COL15A1: variants seen among roughly 807,000 people sequenced by gnomAD.
The protein encoded by COL15A1 is collagen alpha-1(XV) chain.
A neutral mutation model predicts 165.9 loss-of-function variants in COL15A1; 111 were observed. That is an observed-to-expected ratio of 0.67 (90% confidence interval 0.57 to 0.78). The LOEUF (loss-of-function observed/expected upper bound fraction) is 0.78. Ranked by LOEUF, COL15A1 falls within the 30% of genes least tolerant of loss-of-function variation. COL15A1 has a pLI of 0.00. For synonymous variants in COL15A1, 659 were observed against 674.8 expected, an observed-to-expected ratio of 0.98 and a Z score of 0.36; for missense variants, 1,745 against 1,789.7, an observed-to-expected ratio of 0.98 and a Z score of 0.45.
chr9:99,068,357 C>T (rs1216637368), intron 40 of COL15A1, among the ~76,000 whole-genome samples, 198 bp from the exon 41 acceptor site: 3 of 149,852 alleles, frequency 2.0e-5, no homozygotes, highest in Admixed American at 6.7e-5. Context: ...CCCAGCTACT[C>T]GGGAGGCTGA....
chr9:99,029,808 C>G (rs1564068951), intron 16 of COL15A1, among the ~76,000 whole-genome samples: 1 of 152,044 alleles, frequency 6.6e-6, no homozygotes, highest in Admixed American at 6.5e-5. Context: ...ACCTGTAATC[C>G]CAGCTACTCG....
chr9:99,016,039 G>T lies in COL15A1; in HGVS notation c.1567G>T (p.Gly523Cys), dbSNP rs751580096. Residue 523 changes from glycine (G) to cysteine (C), a missense_variant, in exon 11 of 42, where the codon GGT (glycine) becomes TGT (cysteine). Gly to Cys is a radical substitution (Grantham distance 159). Transcript: ENST00000375001. ...TTEEPLITAGGEESGSPPPDG... is the reference protein window; with the variant it reads ...TTEEPLITAGCEESGSPPPDG... Reference sequence around the variant, plus strand: ...AGAGGAGCCCCTCATCACAGCTGGGGGTGAAGAGTCCGGCAGCCCTCCCCC... The same window carrying T: ...AGAGGAGCCCCTCATCACAGCTGGGTGTGAAGAGTCCGGCAGCCCTCCCCC... 3.7e-6 allele frequency: 6 copies of T among 1,614,072 alleles called. No individual in the cohort carries two copies. In the East Asian group the frequency reaches 1.3e-4, roughly 36 times the overall value.
chr9:98,991,978 T>C, intron 5 of COL15A1, among the ~76,000 whole-genome samples: 1 of 152,346 alleles, frequency 6.6e-6, no homozygotes, highest in Admixed American at 6.5e-5. Flanking sequence ...AGGGTGCTGA[T>C]TGGTGTGTTT....
chr9:99,054,953 A>C, intron 32 of COL15A1, 149 bp from the exon 33 acceptor site: 1 of 763,324 alleles, frequency 1.3e-6, no homozygotes, highest in Non-Finnish European at 2.3e-6. Flanking sequence ...AGTAGCTAGC[A>C]CCTGTTTCTG....
intron 2 of COL15A1, among the ~76,000 whole-genome samples, chr9:98,950,153 G>T (rs993657929): frequency 9.9e-5 from 15 of 152,076 alleles, no homozygotes; most frequent in Admixed American, 2.6e-4. Context: ...CTGAACATTT[G>T]CATACAAGTA....
chr9:99,032,706 G>A (rs1564070849), intron 16 of COL15A1, among the ~76,000 whole-genome samples: 1 of 152,068 alleles, frequency 6.6e-6, no homozygotes, highest in African/African-American at 2.4e-5. Context: ...TTACTACTTT[G>A]TCATTCTGTC....
At chr9:98,984,148 T>A (rs908732615) in intron 2 of COL15A1, among the ~76,000 whole-genome samples, 4 of 152,238 alleles carry the variant, frequency 2.6e-5, no homozygotes, top group Non-Finnish European at 5.9e-5. Flanking sequence ...CTCATCTGGT[T>A]GAATCCTCAG....
chr9:99,025,827 C>A, intron 15 of COL15A1, 77 bp from the exon 16 acceptor site: 1 of 1,495,152 alleles, frequency 6.7e-7, no homozygotes, highest in Non-Finnish European at 9.2e-7. Flanking sequence ...CCCAACCCTG[C>A]CCTCCTTTTC....
At chr9:99,030,074 C>G (rs1839193348) in intron 16 of COL15A1, among the ~76,000 whole-genome samples, 1 of 152,182 alleles carries the variant, frequency 6.6e-6, no homozygotes, top group Admixed American at 6.5e-5. Flanking sequence ...CAAAAAGAAT[C>G]CTCATCTCCA....
chr9:99,049,907 T>A lies in COL15A1; in HGVS notation c.2904+12T>A. The A allele has an allele frequency of 2.5e-6, 4 of 1,614,222 alleles. No homozygotes were observed. The highest frequency in any genetic ancestry group is 3.4e-6 in the Non-Finnish European group (4 of 1,180,028). On this transcript the variant is annotated intron_variant, in intron 30 of 41. Coordinates refer to ENST00000375001, the MANE Select transcript of COL15A1 (RefSeq NM_001855.5). The stretch of plus-strand genomic sequence containing the variant: ...ACTGCAAAATGCCAGTAAGTAGCAA[T>A]CACTGCCTTAAAGAGCAGGCTTTGG...
intron 4 of COL15A1, among the ~76,000 whole-genome samples, 173 bp from the exon 5 acceptor site, chr9:98,989,005 C>A (rs1838367301): frequency 6.7e-6 from 1 of 149,194 alleles, no homozygotes; most frequent in African/African-American, 2.5e-5. Context: ...TCTCCTTAAC[C>A]CCACTCCGTC....
At chr9:99,031,040 C>T (rs1163075974) in intron 16 of COL15A1, among the ~76,000 whole-genome samples, 2 of 152,202 alleles carry the variant, frequency 1.3e-5, no homozygotes, top group Non-Finnish European at 2.9e-5. Context: ...AGCCTAGTCG[C>T]TGTCACTTCT....
chr9:99,069,751 C>T lies in COL15A1; in HGVS notation c.4032C>T (p.Thr1344=), dbSNP rs1420159695. The T allele has an allele frequency of 3.1e-6, 5 of 1,614,226 alleles. No homozygotes were observed. The highest frequency in any genetic ancestry group is 2.2e-5 in the South Asian group (2 of 91,088). The change falls in exon 42 of 42, where the codon ACC becomes ACT. Residue 1344 remains threonine (T), a synonymous_variant. Coordinates refer to ENST00000375001, the MANE Select transcript of COL15A1 (RefSeq NM_001855.5). ...LVDNYCEAWR[T]ADTAVTGLAS... is the part of the protein sequence containing the mutation. Reference sequence around the variant, plus strand: ...ATAACTACTGTGAAGCATGGCGAACCGCGGACACAGCGGTCACGGGACTTG... The same window carrying T: ...ATAACTACTGTGAAGCATGGCGAACTGCGGACACAGCGGTCACGGGACTTG...
intron 21 of COL15A1, among the ~76,000 whole-genome samples, chr9:99,037,344 C>T (rs896450627): frequency 6.6e-6 from 1 of 152,144 alleles, no homozygotes; most frequent in Non-Finnish European, 1.5e-5. Context: ...ATTGAATTCT[C>T]TATTCCTATG....
chr9:98,965,832 G>T (rs187120480), intron 2 of COL15A1, among the ~76,000 whole-genome samples: 1 of 152,090 alleles, frequency 6.6e-6, no homozygotes, highest in Non-Finnish European at 1.5e-5. Context: ...CTGTATCTGG[G>T]CCCCGTGTTG....
At chr9:99,050,838 C>T (rs1203572821) in intron 30 of COL15A1, among the ~76,000 whole-genome samples, 4 of 152,148 alleles carry the variant, frequency 2.6e-5, no homozygotes, top group Admixed American at 6.5e-5. Context: ...TCATAGCCTT[C>T]AAAATGACGC....
rs980544271 is a variant in COL15A1, at chr9:98,987,322, C to A, written c.677C>A (p.Pro226His). 6.2e-6 allele frequency: 10 copies of A among 1,613,474 alleles called. No homozygotes were observed. In the African/African-American group the frequency reaches 1.3e-4, roughly 22 times the overall value. Residue 226 changes from proline to histidine, a missense_variant, in exon 4 of 42, where the codon CCC (proline) becomes CAC (histidine). Physicochemically the swap from Pro to His is moderately conservative, Grantham distance 77. Coordinates refer to ENST00000375001, the MANE Select transcript of COL15A1 (RefSeq NM_001855.5). Reference sequence around the variant, plus strand: ...TCCCTCCAGCAGCTCACCGTGCACCCCGACCCCAGGACTCCCGAGGAGCTG... The same window carrying A: ...TCCCTCCAGCAGCTCACCGTGCACCACGACCCCAGGACTCCCGAGGAGCTG... The part of the protein sequence containing the change: ...TGSLQQLTVH[P>H]DPRTPEELCD...
At chr9:99,008,515 A>G (rs1252154839) in intron 9 of COL15A1, among the ~76,000 whole-genome samples, 1 of 152,192 alleles carries the variant, frequency 6.6e-6, no homozygotes, top group Non-Finnish European at 1.5e-5. Flanking sequence ...TACACAAATA[A>G]CTATATTGTA....
intron 1 of COL15A1, 22 bp from the exon 2 acceptor site, chr9:98,944,140 C>T: frequency 6.2e-7 from 1 of 1,614,148 alleles, no homozygotes; most frequent in East Asian, 2.2e-5. Context: ...CTCACCTTTT[C>T]TCCCTCGGGC....
Sources: gnomAD v4.1 joint callset for allele counts (sites outside exome capture counted in the v4.1 genomes callset) on GRCh38, gnomAD v4.1.1 for gene constraint, MANE v1.5 for transcripts, NCBI Gene and HGNC (gene_info 2026-07-23, HGNC 2026-07-21) for gene names.